Variants in VAT1L observed in about 807,000 individuals in gnomAD.
The protein encoded by VAT1L is putative NADPH-dependent quinone oxidoreductase VAT1L.
VAT1L carries 34 observed loss-of-function variants against 44.1 expected under a neutral mutation model. That is an observed-to-expected ratio of 0.77 (90% confidence interval 0.59 to 1.03). The LOEUF (loss-of-function observed/expected upper bound fraction) is 1.03, where lower values mean the gene tolerates loss of function less well. VAT1L is among the 50% of genes least tolerant of loss of function. The pLI is 0.00. For synonymous variants in VAT1L, 253 were observed against 202.2 expected (o/e 1.25, Z -2.13); for missense variants, 615 against 538.8 (o/e 1.14, Z -1.40).
At chr16:77,937,170 C>T (rs1187427726) in intron 7 of VAT1L, among the ~76,000 whole-genome samples, 3 of 152,156 alleles carry the variant, frequency 2.0e-5, no homozygotes, top group Non-Finnish European at 4.4e-5. Context: ...CGTGAGCCAC[C>T]GCGTCCTGCC....
At chr16:77,883,040 A>G (rs139062981) in intron 6 of VAT1L, among the ~76,000 whole-genome samples, 1 of 152,140 alleles carries the variant, frequency 6.6e-6, no homozygotes, top group African/African-American at 2.4e-5. Context: ...ATTGTTTTCA[A>G]CCTGCCTTTT....
chr16:77,913,056 G>C (rs62042212), intron 7 of VAT1L, among the ~76,000 whole-genome samples: 1 of 152,038 alleles, frequency 6.6e-6, no homozygotes, highest in Non-Finnish European at 1.5e-5. Flanking sequence ...ATGCATTTGC[G>C]GGGGTGGGGT....
intron 7 of VAT1L, among the ~76,000 whole-genome samples, chr16:77,971,557 TGAGAACTCCA>T (rs760809880): frequency 1.2e-4 from 18 of 152,218 alleles, no homozygotes; most frequent in Non-Finnish European, 2.4e-4. Flanking sequence ...CACATAATTC[TGAGAACTCCA>T]GAGAACCTTC....
At chr16:77,808,688 C>T (rs185024492) in intron 1 of VAT1L, among the ~76,000 whole-genome samples, 337 of 152,162 alleles carry the variant, frequency 2.2e-3, no homozygotes, top group African/African-American at 7.5e-3. Context: ...CTCCACCTAC[C>T]GGGTTCAAGC....
chr16:77,977,733 G>C lies in VAT1L; in HGVS notation c.*38G>C. 2 of 1,593,244 alleles carry C rather than the reference G, an allele frequency of 1.3e-6. No individual in the cohort carries two copies. The highest frequency in any genetic ancestry group is 1.7e-6 in the Non-Finnish European group (2 of 1,165,244). On this transcript the variant is annotated 3_prime_UTR_variant, in exon 9 of 9. Transcript: ENST00000302536. Reference sequence around the variant, plus strand: ...GTGGGAGAATGTGAAGGATGGTTTGGAAGATGAGGACCCGGCTGAGAAAAC... The same window carrying C: ...GTGGGAGAATGTGAAGGATGGTTTGCAAGATGAGGACCCGGCTGAGAAAAC...
At chr16:77,800,072 G>C (rs2016018961) in intron 1 of VAT1L, 1 of 152,120 alleles carries the variant, frequency 6.6e-6, no homozygotes. Flanking sequence ...TCTCTCCTAA[G>C]GCCTCTCACA....
At chr16:77,886,176 T>C (rs1030840703) in intron 7 of VAT1L, among the ~76,000 whole-genome samples, 1 of 152,208 alleles carries the variant, frequency 6.6e-6, no homozygotes, top group African/African-American at 2.4e-5. Flanking sequence ...TATCAGATAA[T>C]TGTGCATGCC....
intron 5 of VAT1L, among the ~76,000 whole-genome samples, chr16:77,876,862 T>A (rs9936869): frequency 3.4e-4 from 51 of 151,958 alleles, no homozygotes; most frequent in Non-Finnish European, 6.0e-4. Flanking sequence ...AGGATATGCA[T>A]GTTTTAAGGG....
At chr16:77,793,362 G>A (rs11150015) in intron 1 of VAT1L, among the ~76,000 whole-genome samples, 123,692 of 152,116 alleles carry the variant, frequency 0.81, 50,825 homozygotes, top group Admixed American at 0.88. Context: ...TCTGAAAGCA[G>A]AAGGGGCACT....
Position 77,978,988 on chromosome 16 carries a change from G to A in VAT1L, c.*1293G>A, listed in dbSNP as rs1297921154. On this transcript the variant is annotated 3_prime_UTR_variant, in exon 9 of 9. Coordinates refer to ENST00000302536, the MANE Select transcript of VAT1L (RefSeq NM_020927.3). ...CTCACAAACAAATGTGGAGATACCAGGAGCTCATTTGATTCATACCCCAAC... is the reference window on the plus strand; with the variant it reads ...CTCACAAACAAATGTGGAGATACCAAGAGCTCATTTGATTCATACCCCAAC... The A allele has an allele frequency of 3.3e-5, 5 of 152,174 alleles. No homozygotes were observed. The highest frequency in any genetic ancestry group is 7.3e-5 in the Non-Finnish European group (5 of 68,032). 9.4% of individuals were successfully genotyped at this position (152,174 alleles called of 1,614,324 possible).
intron 1 of VAT1L, among the ~76,000 whole-genome samples, chr16:77,797,272 C>T (rs188421449): frequency 6.0e-4 from 92 of 152,130 alleles, no homozygotes; most frequent in African/African-American, 2.1e-3. Context: ...CCACCACACC[C>T]GGCTAATTTT....
intron 3 of VAT1L, among the ~76,000 whole-genome samples, chr16:77,827,453 A>G (rs1271937544): frequency 6.6e-6 from 1 of 152,232 alleles, no homozygotes; most frequent in Non-Finnish European, 1.5e-5. Context: ...AAGGAAAATA[A>G]TCTTGGAAAA....
At chr16:77,952,849 T>G (rs2018059730) in intron 7 of VAT1L, among the ~76,000 whole-genome samples, 1 of 63,518 alleles carries the variant, frequency 1.6e-5, no homozygotes, top group Admixed American at 1.9e-4. Context: ...AGAGTGAGAC[T>G]CCATTTAAAA....
intron 1 of VAT1L, among the ~76,000 whole-genome samples, chr16:77,809,350 A>G (rs887241524): frequency 6.6e-6 from 1 of 152,152 alleles, no homozygotes; most frequent in Non-Finnish European, 1.5e-5. Flanking sequence ...ATCCTCCATC[A>G]TCAGAGAAAT....
intron 3 of VAT1L, among the ~76,000 whole-genome samples, chr16:77,839,492 C>T (rs1391790523): frequency 3.8e-5 from 5 of 132,420 alleles, no homozygotes; most frequent in Admixed American, 8.7e-5. Context: ...GCCGAAATCG[C>T]GCCACTGCAC....
chr16:77,870,990 C>A (rs1483575181), intron 4 of VAT1L, among the ~76,000 whole-genome samples: 2 of 150,708 alleles, frequency 1.3e-5, no homozygotes, highest in African/African-American at 4.9e-5. Context: ...CTAAATAGAC[C>A]CAACTGAATC....
chr16:77,932,472 C>G (rs1335129106), intron 7 of VAT1L, among the ~76,000 whole-genome samples: 2 of 152,130 alleles, frequency 1.3e-5, no homozygotes, highest in Non-Finnish European at 2.9e-5. Flanking sequence ...TGCAGGACTT[C>G]TTGTTGACAG....
intron 7 of VAT1L, among the ~76,000 whole-genome samples, chr16:77,897,920 G>C (rs1444195987): frequency 6.6e-6 from 1 of 152,160 alleles, no homozygotes; most frequent in East Asian, 1.9e-4. Flanking sequence ...TAGGGCTGTT[G>C]TAACAAAGTA....
chr16:77,943,712 T>G (rs1466464381), intron 7 of VAT1L, among the ~76,000 whole-genome samples: 1 of 152,124 alleles, frequency 6.6e-6, no homozygotes, highest in Non-Finnish European at 1.5e-5. Flanking sequence ...CACCCTGTAT[T>G]CCTAAAGTAG....
Sources: gnomAD v4.1 joint callset for allele counts (sites outside exome capture counted in the v4.1 genomes callset) on GRCh38, gnomAD v4.1.1 for gene constraint, MANE v1.5 for transcripts, NCBI Gene and HGNC (gene_info 2026-07-23, HGNC 2026-07-21) for gene names.